Variants in STPG4 observed in about 807,000 individuals in gnomAD.
STPG4 encodes the protein protein STPG4.
Under a neutral mutation model 31.5 loss-of-function variants are expected in STPG4, and 41 were observed. The observed-to-expected ratio is 1.30, with a 90% CI of 1.01 to 1.69. The LOEUF (loss-of-function observed/expected upper bound fraction) is 1.69. Among genes scored for constraint, STPG4 ranks in the 40% most tolerant of loss-of-function variants. STPG4 has a pLI of 0.00. For missense variants in STPG4, 375 were observed against 293.4 expected (o/e 1.28, Z -2.03); for synonymous variants, 141 against 103.0 (o/e 1.37, Z -2.24).
intron 5 of STPG4, among the ~76,000 whole-genome samples, chr2:47,102,848 G>A (rs1175437552): frequency 2.6e-5 from 4 of 151,784 alleles, no homozygotes; most frequent in African/African-American, 7.3e-5. Context: ...GCAGACCTGG[G>A]GAGGTTTTCA....
At chr2:47,107,877 C>A (rs1685952477) in intron 5 of STPG4, among the ~76,000 whole-genome samples, 1 of 152,072 alleles carries the variant, frequency 6.6e-6, no homozygotes, top group South Asian at 2.1e-4. Context: ...TTTGTGAATG[C>A]ATCAATCCAC....
At chr2:47,106,749 T>G (rs542166818) in intron 5 of STPG4, among the ~76,000 whole-genome samples, 55 of 151,976 alleles carry the variant, frequency 3.6e-4, no homozygotes, top group African/African-American at 1.2e-3. Context: ...ACCTCCGGAG[T>G]TGGGCAACAT....
At chr2:47,097,996 A>C (rs1469559928) in intron 5 of STPG4, among the ~76,000 whole-genome samples, 5 of 151,704 alleles carry the variant, frequency 3.3e-5, no homozygotes, top group Non-Finnish European at 5.9e-5. Context: ...CTGAAATTCA[A>C]CTTTCTCAGG....
chr2:47,107,813 A>G (rs993800287), intron 5 of STPG4, among the ~76,000 whole-genome samples: 1 of 150,964 alleles, frequency 6.6e-6, no homozygotes, highest in Non-Finnish European at 1.5e-5. Flanking sequence ...TCAGCACTCT[A>G]TCTAGCTCAA....
chr2:47,092,659 G>A (rs908259770), intron 5 of STPG4, among the ~76,000 whole-genome samples: 9 of 149,756 alleles, frequency 6.0e-5, no homozygotes, highest in Non-Finnish European at 3.0e-5. Flanking sequence ...AGGGAGGGGA[G>A]GGTAGAGGAG....
intron 3 of STPG4, among the ~76,000 whole-genome samples, chr2:47,139,508 T>G (rs1686663037): frequency 6.6e-6 from 1 of 152,136 alleles, no homozygotes; most frequent in Admixed American, 6.5e-5. Flanking sequence ...AATAAGCCTG[T>G]TGATCTGGTC....
chr2:47,117,883 AG>A (rs1686182979), intron 5 of STPG4, among the ~76,000 whole-genome samples: 1 of 151,938 alleles, frequency 6.6e-6, no homozygotes, highest in Non-Finnish European at 1.5e-5. Context: ...CTCAGTTATC[AG>A]GGGGAAGTTG....
At chr2:47,112,982 A>C (rs1686072640) in intron 5 of STPG4, among the ~76,000 whole-genome samples, 1 of 84,062 alleles carries the variant, frequency 1.2e-5, no homozygotes, top group African/African-American at 4.4e-5. Context: ...ACAGAGCAAG[A>C]CTATCTCAAA....
chr2:47,094,113 C>T (rs1266828724), intron 5 of STPG4, among the ~76,000 whole-genome samples: 1 of 152,226 alleles, frequency 6.6e-6, no homozygotes, highest in Non-Finnish European at 1.5e-5. Context: ...GTGATCTAGA[C>T]CTTGGGTCTC....
chr2:47,131,324 A>G (rs1558683538), intron 3 of STPG4, among the ~76,000 whole-genome samples: 1 of 151,884 alleles, frequency 6.6e-6, no homozygotes, highest in Non-Finnish European at 1.5e-5. Context: ...ACAAACTCTC[A>G]CTATGTTGCC....
intron 4 of STPG4, 88 bp from the exon 5 acceptor site, chr2:47,130,083 AT>A: frequency 1.3e-6 from 2 of 1,481,974 alleles, no homozygotes; most frequent in Non-Finnish European, 1.9e-6. Context: ...TTCATTAAAT[AT>A]TTTAAAATGT....
At chr2:47,112,019 GC>G (rs763818560) in intron 5 of STPG4, among the ~76,000 whole-genome samples, 40 of 152,168 alleles carry the variant, frequency 2.6e-4, no homozygotes, top group Non-Finnish European at 7.3e-5. Flanking sequence ...ATATCAAGAG[GC>G]CTTCGGGCAC....
At chr2:47,154,323 T>A (rs577370657) in intron 1 of STPG4, among the ~76,000 whole-genome samples, 5 of 152,346 alleles carry the variant, frequency 3.3e-5, no homozygotes, top group African/African-American at 1.2e-4. Context: ...GTTGCACTTT[T>A]ATAGTCACAG....
intron 5 of STPG4, among the ~76,000 whole-genome samples, chr2:47,108,164 A>C (rs1461300714): frequency 1.3e-5 from 2 of 151,438 alleles, no homozygotes; most frequent in African/African-American, 4.9e-5. Context: ...GATTGTAAAC[A>C]CACCAATCAG....
At chr2:47,140,237 C>G (rs1686675430) in intron 3 of STPG4, among the ~76,000 whole-genome samples, 1 of 152,162 alleles carries the variant, frequency 6.6e-6, no homozygotes, top group African/African-American at 2.4e-5. Flanking sequence ...TTGCCCTTCC[C>G]TCAGGTCAGT....
chr2:47,137,337 T>C (rs1364152007), intron 3 of STPG4, among the ~76,000 whole-genome samples: 1 of 152,216 alleles, frequency 6.6e-6, no homozygotes, highest in Non-Finnish European at 1.5e-5. Context: ...TCTCACTTGG[T>C]TGCGATGTAT....
chr2:47,107,912 G>A (rs1185502290), intron 5 of STPG4, among the ~76,000 whole-genome samples: 1 of 151,876 alleles, frequency 6.6e-6, no homozygotes, highest in African/African-American at 2.4e-5. Context: ...TACTCTGGTG[G>A]GGCCTTGGAG....
intron 5 of STPG4, among the ~76,000 whole-genome samples, chr2:47,100,511 G>C (rs6544957): frequency 0.41 from 60,007 of 145,162 alleles, 13,978 homozygotes; most frequent in East Asian, 0.75. Flanking sequence ...CAATCAGCAG[G>C]ATGTGGGTGG....
intron 5 of STPG4, among the ~76,000 whole-genome samples, chr2:47,091,391 A>C (rs1685566822): frequency 6.6e-6 from 1 of 152,224 alleles, no homozygotes; most frequent in Admixed American, 6.5e-5. Context: ...ACAAATGATG[A>C]GTCTTCAGCC....
Sources: gnomAD v4.1 joint callset for allele counts (sites outside exome capture counted in the v4.1 genomes callset) on GRCh38, gnomAD v4.1.1 for gene constraint, MANE v1.5 for transcripts, NCBI Gene and HGNC (gene_info 2026-07-23, HGNC 2026-07-21) for gene names.